The following PKIB variants were observed in gnomAD, a reference collection of about 807,000 sequenced individuals.
PKIB encodes the protein PKI-beta.
PKIB carries 2 observed loss-of-function variants against 4.5 expected under a neutral mutation model. The observed-to-expected ratio is 0.44, with a 90% CI of 0.18 to 1.39. PKIB has a LOEUF of 1.39. Ranked by LOEUF, PKIB falls within the 40% of genes most tolerant of loss-of-function variation. PKIB has a pLI of 0.27. For missense variants in PKIB, 94 were observed against 92.6 expected, an observed-to-expected ratio of 1.02 and a Z score of -0.06; for synonymous variants, 38 against 36.0, an observed-to-expected ratio of 1.06 and a Z score of -0.20.
chr6:122,693,245 G>A (rs958181926), intron 3 of PKIB, among the ~76,000 whole-genome samples: 1 of 152,206 alleles, frequency 6.6e-6, no homozygotes, highest in African/African-American at 2.4e-5. Context: ...GTAGTACGTA[G>A]CTTGGAAGTT....
At chr6:122,684,555 A>G (rs12196116) in intron 3 of PKIB, among the ~76,000 whole-genome samples, 30,601 of 152,010 alleles carry the variant, frequency 0.2, 3,396 homozygotes, top group Non-Finnish European at 0.23. Flanking sequence ...TATTCTTGAA[A>G]AAAATTATAG....
chr6:122,684,246 T>G (rs1355447172), intron 3 of PKIB, among the ~76,000 whole-genome samples: 1 of 152,146 alleles, frequency 6.6e-6, no homozygotes, highest in East Asian at 1.9e-4. Context: ...CCAAAATGAG[T>G]AAGCTCTACA....
At chr6:122,489,039 T>A (rs1775859265) in intron 2 of PKIB, among the ~76,000 whole-genome samples, 2 of 152,130 alleles carry the variant, frequency 1.3e-5, no homozygotes, top group African/African-American at 4.8e-5. Flanking sequence ...CTCCTGTATA[T>A]AATCAAACTC....
chr6:122,630,912 CT>C (rs1295824456), intron 1 of PKIB, among the ~76,000 whole-genome samples: 1 of 152,078 alleles, frequency 6.6e-6, no homozygotes, highest in African/African-American at 2.4e-5. Context: ...TAAAAGTTAC[CT>C]GGAAACCAGC....
intron 2 of PKIB, among the ~76,000 whole-genome samples, chr6:122,527,746 T>TA (rs1321462230): frequency 6.6e-6 from 1 of 152,168 alleles, no homozygotes; most frequent in African/African-American, 2.4e-5. Flanking sequence ...TGAGAATTAC[T>TA]AAAATGTGAC....
At chr6:122,541,590 A>AC (rs1777605183) in intron 2 of PKIB, among the ~76,000 whole-genome samples, 1 of 151,828 alleles carries the variant, frequency 6.6e-6, no homozygotes, top group Non-Finnish European at 1.5e-5. Context: ...GGGTAACCTG[A>AC]CCTTTCTCTC....
intron 2 of PKIB, among the ~76,000 whole-genome samples, chr6:122,555,703 C>G (rs911764568): frequency 2.6e-5 from 4 of 152,138 alleles, no homozygotes; most frequent in Non-Finnish European, 5.9e-5. Flanking sequence ...GGACTTTAGC[C>G]TTTGGTTCTA....
chr6:122,609,899 C>T (rs987871070), upstream of PKIB, among the ~76,000 whole-genome samples: 5 of 152,094 alleles, frequency 3.3e-5, no homozygotes, highest in African/African-American at 1.2e-4. Context: ...ACTCGAAGAC[C>T]CAGATTCGGG....
At chr6:122,492,775 GT>G (rs11376307) in intron 2 of PKIB, among the ~76,000 whole-genome samples, 13 of 146,824 alleles carry the variant, frequency 8.9e-5, no homozygotes, top group African/African-American at 1.7e-4. Context: ...AAGAGAAAGA[GT>G]TTTTTTTTTT....
intron 2 of PKIB, among the ~76,000 whole-genome samples, chr6:122,494,548 T>G (rs1296215803): frequency 6.6e-6 from 1 of 152,126 alleles, no homozygotes; most frequent in Admixed American, 6.5e-5. Flanking sequence ...ATCAGCAAGT[T>G]TTACTAATTT....
intron 2 of PKIB, among the ~76,000 whole-genome samples, chr6:122,577,027 T>C (rs969767720): frequency 1.3e-5 from 2 of 152,120 alleles, no homozygotes; most frequent in Admixed American, 1.3e-4. Context: ...ACACTTACCA[T>C]GTGTCAGGGA....
chr6:122,720,998 G>A (rs1303686004), intron 4 of PKIB, among the ~76,000 whole-genome samples: 1 of 152,128 alleles, frequency 6.6e-6, no homozygotes, highest in African/African-American at 2.4e-5. Flanking sequence ...CACTGCGCCT[G>A]GCCTTGAGTG....
At chr6:122,536,006 C>G (rs1777396605) in intron 2 of PKIB, among the ~76,000 whole-genome samples, 1 of 152,184 alleles carries the variant, frequency 6.6e-6, no homozygotes, top group Non-Finnish European at 1.5e-5. Flanking sequence ...CAGTGGCGAT[C>G]TCAGCTCACT....
intron 2 of PKIB, among the ~76,000 whole-genome samples, chr6:122,659,279 T>A (rs2114907250): frequency 6.6e-6 from 1 of 152,286 alleles, no homozygotes; most frequent in East Asian, 1.9e-4. Flanking sequence ...CATATAGAGT[T>A]CTACGTACAT....
chr6:122,706,100 G>A (rs573883982), intron 3 of PKIB, among the ~76,000 whole-genome samples: 3 of 152,080 alleles, frequency 2.0e-5, no homozygotes, highest in Admixed American at 6.6e-5. Context: ...TTAGCTTACA[G>A]ATATTTCTCT....
chr6:122,528,794 A>G (rs1043803468), intron 2 of PKIB, among the ~76,000 whole-genome samples: 3 of 152,148 alleles, frequency 2.0e-5, no homozygotes, highest in African/African-American at 7.2e-5. Context: ...TGGGAGACCA[A>G]ACTTAGGATT....
intron 1 of PKIB, among the ~76,000 whole-genome samples, chr6:122,629,950 T>C (rs988929689): frequency 6.6e-6 from 1 of 152,168 alleles, no homozygotes; most frequent in Non-Finnish European, 1.5e-5. Context: ...ACTAAAGAGA[T>C]ATCAGGTATG....
Position 122,665,024 on chromosome 6 carries a change from G to A in PKIB, c.-75-10054G>A, listed in dbSNP as rs1484337166. Reference sequence around the variant, plus strand: ...ATGGCAGCCATGAAGTATACAGCCTGTACAGCCTAATACAGTGAACTTATA... The same window carrying A: ...ATGGCAGCCATGAAGTATACAGCCTATACAGCCTAATACAGTGAACTTATA... On this transcript the variant is annotated intron_variant, in intron 2 of 4. Coordinates refer to ENST00000368452, the MANE Select transcript of PKIB (RefSeq NM_181795.3). 2.0e-5 allele frequency among the ~76,000 whole-genome samples: 3 copies of A among 152,166 alleles called. No individual in the cohort carries two copies. The East Asian group carries it at 5.8e-4, about 29-fold the overall frequency.
chr6:122,620,169 A>G (rs901411807), intron 1 of PKIB, among the ~76,000 whole-genome samples: 4 of 152,060 alleles, frequency 2.6e-5, no homozygotes, highest in Non-Finnish European at 5.9e-5. Flanking sequence ...TCTCATTTCT[A>G]TCATCAATGC....
Sources: gnomAD v4.1 joint callset for allele counts (sites outside exome capture counted in the v4.1 genomes callset) on GRCh38, gnomAD v4.1.1 for gene constraint, MANE v1.5 for transcripts, NCBI Gene and HGNC (gene_info 2026-07-23, HGNC 2026-07-21) for gene names.